The following METTL15 variants were observed in gnomAD, a reference collection of about 807,000 sequenced individuals.
METTL15 encodes 12S rRNA N(4)-cytidine methyltransferase METTL15.
A neutral mutation model predicts 38.3 loss-of-function variants in METTL15; 34 were observed. The ratio of observed to expected loss-of-function variants is 0.89; its 90% confidence interval spans 0.68 to 1.18. METTL15 has a LOEUF of 1.18. Among genes scored for constraint, METTL15 ranks in the 50% most tolerant of loss-of-function variants. The probability of loss-of-function intolerance (pLI) is 0.00; values close to 1 mark genes in which losing one functional copy is unlikely to be tolerated. For synonymous variants in METTL15, 162 were observed against 170.9 expected, an observed-to-expected ratio of 0.95 and a Z score of 0.41; for missense variants, 438 against 498.4, an observed-to-expected ratio of 0.88 and a Z score of 1.15.
intron 6 of METTL15, among the ~76,000 whole-genome samples, chr11:28,323,190 CT>C (rs894124234): frequency 1.1e-4 from 17 of 150,790 alleles, no homozygotes; most frequent in South Asian, 8.4e-4. Context: ...TTTCCTTTGG[CT>C]TTTTTTTTCT....
chr11:28,432,806 A>G (rs540438883), intron 6 of METTL15, among the ~76,000 whole-genome samples: 4 of 152,310 alleles, frequency 2.6e-5, no homozygotes, highest in African/African-American at 9.6e-5. Context: ...TATGGAAGCA[A>G]TTGTGCCCTG....
intron 3 of METTL15, among the ~76,000 whole-genome samples, chr11:28,133,261 C>A (rs1849398343): frequency 1.3e-5 from 2 of 152,092 alleles, no homozygotes; most frequent in African/African-American, 4.8e-5. Flanking sequence ...ATTGTAGAAT[C>A]CTCTAAAGGG....
At chr11:28,169,187 TGA>T (rs764996486) in intron 3 of METTL15, among the ~76,000 whole-genome samples, 1 of 152,078 alleles carries the variant, frequency 6.6e-6, no homozygotes, top group Non-Finnish European at 1.5e-5. Flanking sequence ...ATTACTATTG[TGA>T]GAGGGGAATA....
intron 4 of METTL15, among the ~76,000 whole-genome samples, chr11:28,360,928 G>C (rs1484672653): frequency 6.7e-6 from 1 of 150,326 alleles, no homozygotes; most frequent in African/African-American, 2.5e-5. Flanking sequence ...TTGTCCTTGC[G>C]ATAGTTTACT....
intron 3 of METTL15, among the ~76,000 whole-genome samples, chr11:28,201,766 T>C (rs1852126445): frequency 1.3e-5 from 2 of 152,118 alleles, no homozygotes; most frequent in African/African-American, 4.8e-5. Context: ...CTGTTGTATT[T>C]CTAGTTTTTA....
chr11:28,137,586 A>G (rs1849555757), intron 3 of METTL15, among the ~76,000 whole-genome samples: 1 of 152,224 alleles, frequency 6.6e-6, no homozygotes, highest in Non-Finnish European at 1.5e-5. Flanking sequence ...ATCAAATTGT[A>G]AAGCAGGCAA....
intron 5 of METTL15, among the ~76,000 whole-genome samples, chr11:28,387,392 G>T (rs1344987881): frequency 6.6e-6 from 1 of 151,650 alleles, no homozygotes; most frequent in African/African-American, 2.4e-5. Context: ...TAAAATAAAA[G>T]ATCATGATAT....
downstream of METTL15, among the ~76,000 whole-genome samples, chr11:28,334,370 A>G (rs1265071125): frequency 2.0e-5 from 3 of 152,192 alleles, no homozygotes; most frequent in Non-Finnish European, 2.9e-5. Flanking sequence ...TCTGGTTAAA[A>G]TTTTGTAAAA....
At chr11:28,338,272 A>G (rs890826970), downstream of METTL15, among the ~76,000 whole-genome samples, 21 of 151,470 alleles carry the variant, frequency 1.4e-4, no homozygotes, top group Non-Finnish European at 7.4e-5. Context: ...TCATAATTTG[A>G]TTTCTTAAAG....
chr11:28,500,359 A>G (rs921303973), intron 6 of METTL15, among the ~76,000 whole-genome samples: 11 of 152,192 alleles, frequency 7.2e-5, no homozygotes, highest in Non-Finnish European at 1.6e-4. Flanking sequence ...TGAAAATCTC[A>G]CTTTGTAAAA....
chr11:28,443,436 C>G (rs984123637), intron 6 of METTL15, among the ~76,000 whole-genome samples: 2 of 152,130 alleles, frequency 1.3e-5, no homozygotes, highest in Non-Finnish European at 2.9e-5. Context: ...ATCATCAAGT[C>G]AGATGGCTTT....
intron 3 of METTL15, among the ~76,000 whole-genome samples, chr11:28,137,178 G>A (rs1849543093): frequency 6.6e-6 from 1 of 152,124 alleles, no homozygotes. Flanking sequence ...CTATTTCAAT[G>A]CGCAATTTAT....
intron 5 of METTL15, among the ~76,000 whole-genome samples, chr11:28,369,369 G>A (rs1166793957): frequency 1.3e-5 from 2 of 152,008 alleles, no homozygotes; most frequent in African/African-American, 2.4e-5. Context: ...AGAGAGAATA[G>A]TGAGCTTATG....
At chr11:28,384,494 G>C (rs2133387635) in intron 5 of METTL15, among the ~76,000 whole-genome samples, 1 of 152,060 alleles carries the variant, frequency 6.6e-6, no homozygotes, top group East Asian at 1.9e-4. Flanking sequence ...ATTTTTAGTA[G>C]AGATGTGGTT....
chr11:28,178,594 T>C (rs1176968883), intron 3 of METTL15, among the ~76,000 whole-genome samples: 2 of 151,876 alleles, frequency 1.3e-5, no homozygotes, highest in Non-Finnish European at 2.9e-5. Context: ...CTGGTTTTTT[T>C]TGGTCAAGAA....
intron 6 of METTL15, among the ~76,000 whole-genome samples, chr11:28,457,643 A>G (rs974243696): frequency 6.6e-6 from 1 of 152,152 alleles, no homozygotes; most frequent in Non-Finnish European, 1.5e-5. Flanking sequence ...TGTCTTCTAG[A>G]TGTCCTATAG....
chr11:28,377,426 T>C (rs577960350), intron 5 of METTL15, among the ~76,000 whole-genome samples: 102 of 152,340 alleles, frequency 6.7e-4, no homozygotes, highest in African/African-American at 2.4e-3. Flanking sequence ...CCATTGCTGA[T>C]ACCCTTTCTT....
At chr11:28,384,806 TA>T (rs1352120435) in intron 5 of METTL15, among the ~76,000 whole-genome samples, 9 of 152,164 alleles carry the variant, frequency 5.9e-5, no homozygotes, top group African/African-American at 2.2e-4. Context: ...CAGCATCTGT[TA>T]TTTTTTTATT....
chr11:28,264,523 G>A (rs1174539107), intron 4 of METTL15, among the ~76,000 whole-genome samples: 1 of 152,016 alleles, frequency 6.6e-6, no homozygotes, highest in African/African-American at 2.4e-5. Context: ...ATAGTTACAT[G>A]TCACCTGATT....
Sources: allele counts gnomAD v4.1 joint callset (sites outside exome capture counted in the v4.1 genomes callset), GRCh38; gene constraint gnomAD v4.1.1; transcripts MANE v1.5; gene names NCBI Gene and HGNC (gene_info 2026-07-23, HGNC 2026-07-21).